WDR72: variants seen among roughly 807,000 people sequenced by gnomAD.
The protein encoded by WDR72 is WD repeat domain 72.
Under a neutral mutation model 124.2 loss-of-function variants are expected in WDR72, and 120 were observed. That is an observed-to-expected ratio of 0.97 (90% CI 0.83 to 1.12). The LOEUF is 1.12. WDR72 is among the 50% of genes most tolerant of loss of function. WDR72 has a pLI of 0.00. For missense variants in WDR72, 1,387 were observed against 1,278.8 expected (o/e 1.08, Z -1.29); for synonymous variants, 452 against 441.7 (o/e 1.02, Z -0.29).
chr15:53,642,586 T>C lies in WDR72; in HGVS notation c.1962+22986A>G, dbSNP rs149208672. Among the ~76,000 whole-genome samples the C allele has an allele frequency of 5.4e-3, 829 of 152,186 alleles. 4 individuals carry two copies. The highest frequency in any genetic ancestry group is 9.0e-3 in the Non-Finnish European group (609 of 67,956). ...ATAAATGTCAGGTTCCTCTCTGTAC[T>C]GTCAAGCATTCACTTCCTAAAATTC... On this transcript the variant is annotated intron_variant, in intron 14 of 19. Transcript: ENST00000360509.
chr15:53,588,422 A>G (rs57388125), intron 18 of WDR72, among the ~76,000 whole-genome samples: 19,256 of 152,078 alleles, frequency 0.13, 1,520 homozygotes, highest in African/African-American at 0.21. Flanking sequence ...AATATAAATG[A>G]AAATGTCAGC....
intron 14 of WDR72, among the ~76,000 whole-genome samples, chr15:53,626,386 G>A (rs955779253): frequency 3.9e-5 from 6 of 152,166 alleles, no homozygotes; most frequent in Admixed American, 1.3e-4. Context: ...AGCAGCAACG[G>A]GCACCTTGCT....
chr15:53,621,465 G>A (rs2013991647), intron 14 of WDR72, among the ~76,000 whole-genome samples: 1 of 126,902 alleles, frequency 7.9e-6, no homozygotes, highest in Admixed American at 7.6e-5. Context: ...ATATGATAGA[G>A]TACTACTCAG....
intron 14 of WDR72, among the ~76,000 whole-genome samples, chr15:53,623,441 CATG>C (rs1356116607): frequency 6.6e-6 from 1 of 151,914 alleles, no homozygotes; most frequent in Non-Finnish European, 1.5e-5. Context: ...CTACTAAGAA[CATG>C]ATTTCATTCT....
At chr15:53,727,846 G>A (rs1356771595) in intron 2 of WDR72, among the ~76,000 whole-genome samples, 3 of 152,086 alleles carry the variant, frequency 2.0e-5, no homozygotes, top group Admixed American at 6.5e-5. Flanking sequence ...TTACCATATT[G>A]TAGAACTGCT....
chr15:53,613,840 A>G (rs537694808), intron 15 of WDR72, 83 bp from the exon 16 acceptor site: 5 of 878,964 alleles, frequency 5.7e-6, no homozygotes, highest in East Asian at 2.4e-5. Context: ...TGGGTACATG[A>G]CCACTTTAGC....
At chr15:53,631,360 C>T (rs530172258) in intron 14 of WDR72, among the ~76,000 whole-genome samples, 1 of 152,294 alleles carries the variant, frequency 6.6e-6, no homozygotes, top group East Asian at 1.9e-4. Context: ...TCCTGTAGAG[C>T]CTGCAGAACT....
chr15:53,564,838 G>A (rs1185242881), intron 18 of WDR72, among the ~76,000 whole-genome samples: 1 of 151,816 alleles, frequency 6.6e-6, no homozygotes, highest in Admixed American at 6.6e-5. Context: ...AGGCAAGTAC[G>A]ATAATAAGCT....
At chr15:53,598,412 G>C (rs2012882627) in intron 17 of WDR72, among the ~76,000 whole-genome samples, 1 of 152,032 alleles carries the variant, frequency 6.6e-6, no homozygotes, top group African/African-American at 2.4e-5. Flanking sequence ...CTAGGGATAT[G>C]AGACAACACC....
chr15:53,656,999 T>C (rs2015442669), intron 14 of WDR72, among the ~76,000 whole-genome samples: 1 of 151,964 alleles, frequency 6.6e-6, no homozygotes, highest in South Asian at 2.1e-4. Context: ...GCATGGTGGC[T>C]CATGCCTGTA....
At chr15:53,587,370 C>T (rs75015517) in intron 18 of WDR72, among the ~76,000 whole-genome samples, 2,539 of 151,998 alleles carry the variant, frequency 0.017, 52 homozygotes, top group East Asian at 0.11. Flanking sequence ...TTTAGATACC[C>T]ACATCACTGA....
intron 1 of WDR72, among the ~76,000 whole-genome samples, chr15:53,746,611 G>A (rs941362123): frequency 6.6e-6 from 1 of 152,160 alleles, no homozygotes; most frequent in African/African-American, 2.4e-5. Context: ...CATCTCTTAA[G>A]TGGAGAAGAA....
rs192747073 is a variant in WDR72, at chr15:53,688,549, C to T, written c.1765+11201G>A. Among the ~76,000 whole-genome samples the T allele has an allele frequency of 4.1e-3, 628 of 152,054 alleles. 4 individuals are homozygous for T. The highest frequency in any genetic ancestry group is 0.014 in the African/African-American group (592 of 41,424). The stretch of plus-strand genomic sequence containing the variant: ...TCAAGGAGAACTACAAACCACTGCT[C>T]GAGGAAATAAAAGAGGATACAAACA... On this transcript the variant is annotated intron_variant, in intron 13 of 19. Transcript: ENST00000360509.
intron 14 of WDR72, among the ~76,000 whole-genome samples, chr15:53,647,584 G>C (rs974453302): frequency 1.3e-5 from 2 of 151,860 alleles, no homozygotes; most frequent in African/African-American, 4.8e-5. Context: ...TCAGTCATCG[G>C]TATTTTTACC....
intron 18 of WDR72, among the ~76,000 whole-genome samples, chr15:53,585,658 C>T (rs1025130401): frequency 2.6e-5 from 4 of 152,044 alleles, no homozygotes; most frequent in African/African-American, 9.7e-5. Flanking sequence ...CTTACCCCTT[C>T]AGGCTCTATC....
chr15:53,673,013 C>T (rs186046188), intron 13 of WDR72, among the ~76,000 whole-genome samples: 2 of 152,112 alleles, frequency 1.3e-5, no homozygotes, highest in East Asian at 3.9e-4. Flanking sequence ...CCCTGCTACT[C>T]AGGAGGCTGA....
intron 13 of WDR72, among the ~76,000 whole-genome samples, chr15:53,689,291 G>T (rs1412355482): frequency 6.7e-6 from 1 of 149,898 alleles, no homozygotes; most frequent in Admixed American, 6.6e-5. Context: ...CTACAAAATG[G>T]GAGAAAATTT....
intron 18 of WDR72, among the ~76,000 whole-genome samples, chr15:53,541,316 C>T (rs1484422034): frequency 6.6e-6 from 1 of 152,176 alleles, no homozygotes; most frequent in Non-Finnish European, 1.5e-5. Flanking sequence ...AGACTGCCTC[C>T]TCAAGTGGGT....
At chr15:53,585,141 A>G (rs1423239083) in intron 18 of WDR72, among the ~76,000 whole-genome samples, 2 of 152,046 alleles carry the variant, frequency 1.3e-5, no homozygotes, top group African/African-American at 2.4e-5. Context: ...TCACACTGCT[A>G]TAAAGAAATA....
Sources: gnomAD v4.1 joint callset for allele counts (sites outside exome capture counted in the v4.1 genomes callset) on GRCh38, gnomAD v4.1.1 for gene constraint, MANE v1.5 for transcripts, NCBI Gene and HGNC (gene_info 2026-07-23, HGNC 2026-07-21) for gene names.